The following NRXN3 variants were observed in gnomAD, a reference collection of about 807,000 sequenced individuals.
The protein encoded by NRXN3 is neurexin III.
A neutral mutation model predicts 137.6 loss-of-function variants in NRXN3; 32 were observed. The observed-to-expected ratio is 0.23, with a 90% CI of 0.18 to 0.31. The LOEUF is 0.31. NRXN3 is among the 10% of genes least tolerant of loss of function. NRXN3 has a pLI of 1.00. For missense variants in NRXN3, 1,574 were observed against 2,062.5 expected, an observed-to-expected ratio of 0.76 and a Z score of 4.59; for synonymous variants, 798 against 784.5, an observed-to-expected ratio of 1.02 and a Z score of -0.29.
intron 4 of NRXN3, among the ~76,000 whole-genome samples, chr14:78,637,840 T>C (rs2097580229): frequency 6.6e-6 from 1 of 152,248 alleles, no homozygotes; most frequent in Non-Finnish European, 1.5e-5. Flanking sequence ...TAATGATTTA[T>C]ACTTACAAGG....
At chr14:79,759,619 T>G (rs1200946649) in intron 19 of NRXN3, among the ~76,000 whole-genome samples, 2 of 151,828 alleles carry the variant, frequency 1.3e-5, no homozygotes, top group Non-Finnish European at 2.9e-5. Context: ...GAAGTCATAT[T>G]TCTAGTAAAG....
intron 15 of NRXN3, among the ~76,000 whole-genome samples, chr14:79,123,677 C>T (rs770586364): frequency 2.2e-4 from 34 of 152,024 alleles, no homozygotes; most frequent in Non-Finnish European, 3.8e-4. Flanking sequence ...AGAGAACACA[C>T]CTGGGGATGT....
intron 10 of NRXN3, among the ~76,000 whole-genome samples, chr14:78,821,797 T>C (rs2098951612): frequency 6.6e-6 from 1 of 152,174 alleles, no homozygotes; most frequent in African/African-American, 2.4e-5. Flanking sequence ...AAACTCAGAT[T>C]GCCCAGGTAT....
At chr14:79,798,104 G>GAA (rs1323612240) in intron 19 of NRXN3, among the ~76,000 whole-genome samples, 1 of 133,110 alleles carries the variant, frequency 7.5e-6, no homozygotes. Flanking sequence ...CTGTCTCAAG[G>GAA]AAAAAAAAAA....
chr14:78,393,227 G>A (rs756834845), intron 4 of NRXN3, among the ~76,000 whole-genome samples: 3 of 151,538 alleles, frequency 2.0e-5, no homozygotes, highest in Non-Finnish European at 2.9e-5. Flanking sequence ...TTTATTTTGA[G>A]GTAATCGTAT....
In NRXN3 at chr14:79,782,940, A is replaced by C. The variant is rs9323678; in HGVS notation, c.4015-22172A>C. Among the ~76,000 whole-genome samples the C allele has an allele frequency of 9.6e-3, 1,464 of 152,248 alleles. 15 individuals are homozygous for C. Among genetic ancestry groups the C allele is most frequent in the African/African-American group, 0.034 (1,419 of 41,536 alleles). On this transcript the variant is annotated intron_variant, in intron 19 of 20. Transcript: ENST00000335750. Reference sequence around the variant, plus strand: ...ACCTGGATTCAGGAATAACTCCTTGAAGTGTCCCCCTTAAATCTCTATGTG... The same window carrying C: ...ACCTGGATTCAGGAATAACTCCTTGCAGTGTCCCCCTTAAATCTCTATGTG...
In NRXN3 at chr14:78,714,845, G is replaced by C; in HGVS notation, c.1750G>C (p.Gly584Arg). The C allele has an allele frequency of 6.2e-7, 1 of 1,614,204 alleles. No homozygotes were observed. The change falls in exon 8 of 21, where the codon GGG (glycine) becomes CGG (arginine). Residue 584 changes from glycine (G) to arginine (R), a missense_variant. By Grantham distance (125) the Gly-to-Arg change is moderately radical (BLOSUM62 -2). Around this residue, in one of 5 missense-constraint regions of NRXN3, gnomAD observed 718 missense variants for 887.6 expected, o/e 0.81. Coordinates refer to ENST00000335750, the MANE Select transcript of NRXN3 (RefSeq NM_001330195.2). ...LDLEGDMYLG[G>R]LPENRAGLIL... ...CCTGGAAGGAGACATGTACCTGGGA[G>C]GGCTGCCGGAGAACCGTGCTGGCCT...
Position 78,271,349 on chromosome 14 carries a change from G to A in NRXN3, c.710-7296G>A, listed in dbSNP as rs189023858. ...AACTGGCTTTACTACCATTATTCCTGTGTGGCAGAAGAGGACCATGAACCT... is the reference window on the plus strand; with the variant it reads ...AACTGGCTTTACTACCATTATTCCTATGTGGCAGAAGAGGACCATGAACCT... On this transcript the variant is annotated intron_variant, in intron 2 of 20. Transcript: ENST00000335750. Among the ~76,000 whole-genome samples, 80 of 152,172 alleles carry A rather than the reference G, an allele frequency of 5.3e-4. 1 individual carries two copies. The highest frequency in any genetic ancestry group is 5.9e-4 in the Admixed American group (9 of 15,280).
chr14:78,806,388 A>G (rs535552506), intron 9 of NRXN3, among the ~76,000 whole-genome samples: 1 of 152,126 alleles, frequency 6.6e-6, no homozygotes, highest in African/African-American at 2.4e-5. Flanking sequence ...CTTTGCCGTG[A>G]ATTTGTGTTT....
At chr14:79,805,581 T>A (rs1329383140) in intron 20 of NRXN3, among the ~76,000 whole-genome samples, 3 of 152,088 alleles carry the variant, frequency 2.0e-5, no homozygotes, top group Non-Finnish European at 4.4e-5. Context: ...CAAGAAAGGA[T>A]GAACCCATGG....
rs549765346 is a variant in NRXN3 at position 78,694,475 on chromosome 14, A to G, written c.1222-14742A>G. Among the ~76,000 whole-genome samples, 4 of 152,064 alleles carry G rather than the reference A, an allele frequency of 2.6e-5. No homozygotes were observed. In the East Asian group the frequency reaches 7.7e-4, roughly 29 times the overall value. On this transcript the variant is annotated intron_variant, in intron 6 of 20. Transcript: ENST00000335750. Reference sequence around the variant, plus strand: ...TATACATGTCTATCTTCCCCAGATCATTCTAAGTTTTTCAGCAAAAAGATT... The same window carrying G: ...TATACATGTCTATCTTCCCCAGATCGTTCTAAGTTTTTCAGCAAAAAGATT...
chr14:78,265,003 C>G (rs2071452897), intron 2 of NRXN3, among the ~76,000 whole-genome samples: 1 of 152,240 alleles, frequency 6.6e-6, no homozygotes, highest in Non-Finnish European at 1.5e-5. Context: ...AGAGATAAAT[C>G]TCCAAGTTCA....
chr14:79,434,040 T>G (rs1222112433), intron 15 of NRXN3, among the ~76,000 whole-genome samples: 2 of 152,138 alleles, frequency 1.3e-5, no homozygotes, highest in Admixed American at 6.6e-5. Flanking sequence ...TTTTACAACC[T>G]CTCCATTTAA....
At chr14:79,062,464 T>G (rs2152669793) in intron 15 of NRXN3, among the ~76,000 whole-genome samples, 1 of 152,314 alleles carries the variant, frequency 6.6e-6, no homozygotes, top group African/African-American at 2.4e-5. Flanking sequence ...AGGAATGTCC[T>G]TACTGACTCA....
At chr14:78,895,996 A>G (rs555240864) in intron 10 of NRXN3, among the ~76,000 whole-genome samples, 2 of 152,024 alleles carry the variant, frequency 1.3e-5, no homozygotes, top group East Asian at 3.9e-4. Flanking sequence ...ATAATAATGA[A>G]AAAGTTTTAC....
At chr14:79,419,861 C>G (rs1019009442) in intron 15 of NRXN3, among the ~76,000 whole-genome samples, 1 of 152,084 alleles carries the variant, frequency 6.6e-6, no homozygotes, top group African/African-American at 2.4e-5. Context: ...TGATTATTCA[C>G]AGGAAAGAGT....
chr14:78,684,944 A>G (rs2098112912), intron 6 of NRXN3, among the ~76,000 whole-genome samples: 3 of 152,144 alleles, frequency 2.0e-5, no homozygotes, highest in Non-Finnish European at 1.5e-5. Flanking sequence ...TGCTTTACAT[A>G]TTTTGGGCTT....
intron 15 of NRXN3, among the ~76,000 whole-genome samples, chr14:79,456,004 A>C (rs1457686837): frequency 1.3e-5 from 2 of 152,026 alleles, no homozygotes; most frequent in Non-Finnish European, 2.9e-5. Context: ...GTAAAGCTTT[A>C]TCTGAAGTTT....
chr14:78,254,447 G>A lies in NRXN3; in HGVS notation c.709+10645G>A, dbSNP rs572020373. 3.7e-4 allele frequency among the ~76,000 whole-genome samples: 56 copies of A among 152,258 alleles called. No individual in the cohort carries two copies. In the Middle Eastern group the frequency reaches 0.01, roughly 28 times the overall value. On this transcript the variant is annotated intron_variant, in intron 2 of 20. Transcript: ENST00000335750. Reference sequence around the variant, plus strand: ...TGTAATCCCAGCACTTTGGGAGGCCGAGGCAGGCAGATCACGAGGTCAGGA... The same window carrying A: ...TGTAATCCCAGCACTTTGGGAGGCCAAGGCAGGCAGATCACGAGGTCAGGA...
Sources: gnomAD v4.1 joint callset for allele counts (sites outside exome capture counted in the v4.1 genomes callset) on GRCh38, gnomAD v4.1.1 for gene constraint, gnomAD v4.1.1 regional missense constraint, MANE v1.5 for transcripts, NCBI Gene and HGNC (gene_info 2026-07-23, HGNC 2026-07-21) for gene names.